Variants in ARPC2 observed in about 807,000 individuals in gnomAD.
ARPC2 encodes the protein actin-related protein 2/3 complex subunit 2.
Under a neutral mutation model 38.6 loss-of-function variants are expected in ARPC2, and 4 were observed. The ratio of observed to expected loss-of-function variants is 0.10; its 90% confidence interval spans 0.05 to 0.24. The LOEUF (loss-of-function observed/expected upper bound fraction) is 0.24. Among genes scored for constraint, ARPC2 ranks in the 10% least tolerant of loss-of-function variants. The pLI is 1.00. For synonymous variants in ARPC2, 125 were observed against 140.8 expected, an observed-to-expected ratio of 0.89 and a Z score of 0.79; for missense variants, 229 against 387.3, an observed-to-expected ratio of 0.59 and a Z score of 3.43.
At chr2:218,245,667 G>T in intron 8 of ARPC2, 121 bp downstream of exon 8, 1 of 1,351,210 alleles carries the variant, frequency 7.4e-7, no homozygotes, top group Non-Finnish European at 1.0e-6. Flanking sequence ...ATACCAACTT[G>T]TTCCTGTTGC....
At chr2:218,231,328 A>G (rs998201642) in intron 4 of ARPC2, among the ~76,000 whole-genome samples, 1 of 152,200 alleles carries the variant, frequency 6.6e-6, no homozygotes, top group African/African-American at 2.4e-5. Flanking sequence ...GGAGGGAGCA[A>G]AGCAGTTGAA....
chr2:218,246,518 A>C (rs1216815276), intron 8 of ARPC2, among the ~76,000 whole-genome samples: 3 of 152,104 alleles, frequency 2.0e-5, no homozygotes, highest in Non-Finnish European at 4.4e-5. Context: ...TGACAGAGTG[A>C]GACCTTGTCT....
intron 5 of ARPC2, among the ~76,000 whole-genome samples, chr2:218,237,070 A>G (rs964537811): frequency 6.6e-6 from 1 of 152,160 alleles, no homozygotes; most frequent in Non-Finnish European, 1.5e-5. Context: ...AGGTCATCCA[A>G]TGGTTTCAGT....
intron 8 of ARPC2, among the ~76,000 whole-genome samples, chr2:218,249,006 C>A (rs932905840): frequency 5.9e-5 from 9 of 152,350 alleles, no homozygotes; most frequent in Middle Eastern, 3.4e-3. Context: ...TAAACTGTTA[C>A]AGCCAGTTAG....
intron 7 of ARPC2, 68 bp from the exon 8 acceptor site, chr2:218,245,352 C>T: frequency 6.2e-7 from 1 of 1,604,870 alleles, no homozygotes. Context: ...AGAACAAACC[C>T]TATAGCTTGA....
chr2:218,249,605 G>A (rs1415267816), intron 9 of ARPC2, 141 bp downstream of exon 9: 10 of 781,582 alleles, frequency 1.3e-5, no homozygotes, highest in Non-Finnish European at 2.0e-5. Flanking sequence ...AAGAAACCAT[G>A]GTCTTTCTTC....
At chr2:218,243,140 A>G (rs1689954360) in intron 7 of ARPC2, among the ~76,000 whole-genome samples, 1 of 152,208 alleles carries the variant, frequency 6.6e-6, no homozygotes, top group Non-Finnish European at 1.5e-5. Context: ...GTTGTATGGT[A>G]TGAAAGAATG....
At chr2:218,230,985 T>C (rs1689620544) in intron 4 of ARPC2, among the ~76,000 whole-genome samples, 1 of 152,240 alleles carries the variant, frequency 6.6e-6, no homozygotes, top group Non-Finnish European at 1.5e-5. Context: ...TTCTTGTAGC[T>C]ACCACAAGGG....
intron 4 of ARPC2, among the ~76,000 whole-genome samples, chr2:218,231,670 C>T (rs1280020144): frequency 6.6e-6 from 1 of 152,198 alleles, no homozygotes; most frequent in Non-Finnish European, 1.5e-5. Context: ...AAATACCTCA[C>T]AGTGGCTGTG....
intron 5 of ARPC2, chr2:218,236,090 G>A (rs944002306): frequency 1.5e-3 from 33 of 21,374 alleles, no homozygotes; most frequent in African/African-American, 1.8e-3. Context: ...ATTCAGTCTC[G>A]AGAAAAAAAA....
chr2:218,249,702 C>A, intron 9 of ARPC2, 119 bp from the exon 10 acceptor site: 1 of 986,200 alleles, frequency 1.0e-6, no homozygotes, highest in Non-Finnish European at 1.5e-6. Context: ...CCTGCAGGGC[C>A]TGGGTCAATC....
chr2:218,249,731 A>G, intron 9 of ARPC2, 90 bp from the exon 10 acceptor site: 1 of 1,289,764 alleles, frequency 7.8e-7, no homozygotes, highest in Non-Finnish European at 1.1e-6. Flanking sequence ...TATGTTCCCA[A>G]CCGCCCTTGA....
intron 2 of ARPC2, among the ~76,000 whole-genome samples, chr2:218,221,297 A>G (rs759341118): frequency 7.2e-5 from 11 of 152,214 alleles, no homozygotes; most frequent in Non-Finnish European, 1.6e-4. Context: ...ATGGGAAGAG[A>G]AATTTGAAAA....
rs779503021 is a variant in ARPC2 at position 218,217,500 on chromosome 2, C to T, written c.30C>T (p.Ile10=). Residue 10 remains isoleucine, a synonymous_variant, in exon 2 of 11, where the codon ATC becomes ATT. Coordinates refer to ENST00000315717, the MANE Select transcript of ARPC2 (RefSeq NM_152862.3). MILLEVNNR[I]IEETLALKFE... is the part of the protein sequence containing the mutation. ...TCCTGCTGGAGGTGAACAACCGCATCATCGAGGAGACGCTCGCGCTCAAGT... is the reference window on the plus strand; with the variant it reads ...TCCTGCTGGAGGTGAACAACCGCATTATCGAGGAGACGCTCGCGCTCAAGT... 5.0e-6 allele frequency: 8 copies of T among 1,613,796 alleles called. No homozygotes were observed. Among genetic ancestry groups the T allele is most frequent in the Non-Finnish European group, 6.8e-6 (8 of 1,179,902 alleles).
chr2:218,240,067 G>T (rs1046010979), intron 7 of ARPC2, among the ~76,000 whole-genome samples: 2 of 151,914 alleles, frequency 1.3e-5, no homozygotes, highest in Non-Finnish European at 2.9e-5. Context: ...CAATTTTCCT[G>T]CCTCAGCCTC....
chr2:218,254,089 C>A lies in ARPC2; in HGVS notation c.*174C>A. 2.6e-5 allele frequency: 14 copies of A among 547,062 alleles called. No homozygotes were observed. Among genetic ancestry groups the A allele is most frequent in the Non-Finnish European group, 3.9e-5 (13 of 329,530 alleles). 33.9% of individuals were successfully genotyped at this position (547,062 alleles called of 1,614,324 possible). A position where few individuals can be genotyped will look rare whatever the true frequency, so the allele number is the denominator to read the frequency against. On this transcript the variant is annotated 3_prime_UTR_variant, in exon 11 of 11. Coordinates refer to ENST00000315717, the MANE Select transcript of ARPC2 (RefSeq NM_152862.3). ...CAGAAACGAGCTGTGCTTGCAAAGA[C>A]TTCATAGTTCCCAAGAATTAAAAAA...
chr2:218,227,151 C>T, intron 3 of ARPC2: 3 of 391,360 alleles, frequency 7.7e-6, no homozygotes, highest in South Asian at 3.6e-5. Context: ...GATATCCCTT[C>T]GTGATTCCCA....
intron 2 of ARPC2, among the ~76,000 whole-genome samples, chr2:218,219,716 C>T (rs1323973503): frequency 6.6e-6 from 1 of 152,092 alleles, no homozygotes; most frequent in Non-Finnish European, 1.5e-5. Flanking sequence ...TGCTTGTGCA[C>T]ATGTGCGGGT....
intron 8 of ARPC2, among the ~76,000 whole-genome samples, chr2:218,247,072 C>G (rs527393041): frequency 6.6e-6 from 1 of 152,238 alleles, no homozygotes; most frequent in South Asian, 2.1e-4. Flanking sequence ...CTGCAGTGAG[C>G]TGTGATGGCA....
Sources: allele counts gnomAD v4.1 joint callset (sites outside exome capture counted in the v4.1 genomes callset), GRCh38; gene constraint gnomAD v4.1.1; transcripts MANE v1.5; gene names NCBI Gene and HGNC (gene_info 2026-07-23, HGNC 2026-07-21).